The following ADAMTS20 variants were observed in gnomAD, a reference collection of about 807,000 sequenced individuals.
ADAMTS20 encodes the protein A disintegrin and metalloproteinase with thrombospondin motifs 20.
In ADAMTS20, 225 loss-of-function variants were observed where a neutral mutation model predicts 260.1. The ratio of observed to expected loss-of-function variants is 0.87; its 90% CI spans 0.78 to 0.97. The LOEUF is 0.97. Among genes scored for constraint, ADAMTS20 ranks in the 50% least tolerant of loss-of-function variants. ADAMTS20 has a pLI of 0.00. For missense variants in ADAMTS20, 2,400 were observed against 2,337.7 expected (o/e 1.03, Z -0.55); for synonymous variants, 802 against 769.5 (o/e 1.04, Z -0.70).
intron 2 of ADAMTS20, 22 bp downstream of exon 2, chr12:43,550,887 C>A: frequency 6.6e-7 from 1 of 1,507,510 alleles, no homozygotes; most frequent in South Asian, 1.3e-5. Context: ...AAGAAAATGC[C>A]AAGGGACCCG....
chr12:43,386,010 T>C (rs1940468100), intron 29 of ADAMTS20, among the ~76,000 whole-genome samples: 1 of 152,208 alleles, frequency 6.6e-6, no homozygotes, highest in African/African-American at 2.4e-5. Flanking sequence ...ATCTCCTTTA[T>C]CATTTTTATT....
intron 3 of ADAMTS20, among the ~76,000 whole-genome samples, chr12:43,522,538 A>C (rs1424646194): frequency 6.6e-6 from 1 of 152,202 alleles, no homozygotes; most frequent in East Asian, 1.9e-4. Context: ...GAGGAAGTGG[A>C]GCGAAACTAA....
chr12:43,459,381 T>A (rs1942021409), intron 11 of ADAMTS20, among the ~76,000 whole-genome samples: 1 of 152,204 alleles, frequency 6.6e-6, no homozygotes, highest in Admixed American at 6.5e-5. Context: ...TTCTCTTCCA[T>A]GACCCATGGC....
At chr12:43,493,460 T>C (rs1262132598) in intron 4 of ADAMTS20, among the ~76,000 whole-genome samples, 2 of 152,182 alleles carry the variant, frequency 1.3e-5, no homozygotes, top group African/African-American at 4.8e-5. Context: ...CTCAGGCATC[T>C]TAAAGATTCT....
chr12:43,471,011 G>A (rs1942245943), intron 7 of ADAMTS20, among the ~76,000 whole-genome samples: 1 of 152,192 alleles, frequency 6.6e-6, no homozygotes, highest in Non-Finnish European at 1.5e-5. Flanking sequence ...AACAGCTCCG[G>A]TCTACAGCTC....
At chr12:43,373,273 C>G (rs900693429) in intron 36 of ADAMTS20, among the ~76,000 whole-genome samples, 1 of 152,192 alleles carries the variant, frequency 6.6e-6, no homozygotes, top group African/African-American at 2.4e-5. Flanking sequence ...AAAATGGCAG[C>G]TTTGTTAAAA....
At chr12:43,387,694 G>C (rs1940510356) in intron 29 of ADAMTS20, among the ~76,000 whole-genome samples, 1 of 152,236 alleles carries the variant, frequency 6.6e-6, no homozygotes, top group African/African-American at 2.4e-5. Context: ...ACCCAGAGCA[G>C]AGGAATCTAG....
At chr12:43,388,223 C>T (rs1213027622) in intron 29 of ADAMTS20, among the ~76,000 whole-genome samples, 1 of 152,132 alleles carries the variant, frequency 6.6e-6, no homozygotes, top group Non-Finnish European at 1.5e-5. Context: ...AGTATCCGGG[C>T]CAGATAGGAC....
intron 28 of ADAMTS20, among the ~76,000 whole-genome samples, chr12:43,407,478 T>C (rs1308530947): frequency 1.3e-5 from 2 of 151,616 alleles, no homozygotes; most frequent in Non-Finnish European, 2.9e-5. Flanking sequence ...TTAAAGATAA[T>C]TTACTATAAT....
intron 7 of ADAMTS20, among the ~76,000 whole-genome samples, chr12:43,478,503 G>A (rs1942393458): frequency 6.6e-6 from 1 of 151,992 alleles, no homozygotes; most frequent in African/African-American, 2.4e-5. Flanking sequence ...AAAATTGCTG[G>A]AAGATAAACA....
chr12:43,501,631 G>A (rs1357453546), intron 4 of ADAMTS20, among the ~76,000 whole-genome samples: 3 of 152,098 alleles, frequency 2.0e-5, no homozygotes, highest in Non-Finnish European at 4.4e-5. Context: ...AGGACCCTTA[G>A]AGTTATCGTG....
intron 28 of ADAMTS20, among the ~76,000 whole-genome samples, chr12:43,406,858 A>G (rs892719209): frequency 8.5e-5 from 13 of 152,058 alleles, no homozygotes; most frequent in Non-Finnish European, 1.8e-4. Flanking sequence ...GTAGTAGGAT[A>G]TATTTCTGCT....
At chr12:43,493,942 C>T (rs76953662) in intron 4 of ADAMTS20, among the ~76,000 whole-genome samples, 4,937 of 152,254 alleles carry the variant, frequency 0.032, 136 homozygotes, top group African/African-American at 0.07. Flanking sequence ...ATGTTAGGCA[C>T]TCTGAATGGG....
At chr12:43,518,075 G>T (rs1510520) in intron 3 of ADAMTS20, among the ~76,000 whole-genome samples, 1 of 151,608 alleles carries the variant, frequency 6.6e-6, no homozygotes, top group African/African-American at 2.4e-5. Context: ...ATTTAATTTC[G>T]TTTTACTTAA....
chr12:43,496,410 C>A (rs1331957712), intron 4 of ADAMTS20, among the ~76,000 whole-genome samples: 1 of 152,168 alleles, frequency 6.6e-6, no homozygotes, highest in African/African-American at 2.4e-5. Flanking sequence ...TTTATCTGAT[C>A]TTTATTCAGC....
chr12:43,459,653 A>C (rs994867513), intron 11 of ADAMTS20, among the ~76,000 whole-genome samples: 1 of 152,238 alleles, frequency 6.6e-6, no homozygotes, highest in African/African-American at 2.4e-5. Context: ...TGCCTGACAT[A>C]ATAGGCCCTT....
chr12:43,506,548 C>T (rs1289130431), intron 3 of ADAMTS20, among the ~76,000 whole-genome samples: 3 of 151,434 alleles, frequency 2.0e-5, no homozygotes, highest in South Asian at 2.1e-4. Context: ...GGCGCGATCT[C>T]GGCTCACTGC....
intron 2 of ADAMTS20, among the ~76,000 whole-genome samples, chr12:43,533,210 G>A (rs1760790645): frequency 3.0e-5 from 3 of 98,366 alleles, no homozygotes; most frequent in Non-Finnish European, 6.6e-5. Context: ...ATCCTCTCCA[G>A]CACCTGTTGT....
intron 29 of ADAMTS20, among the ~76,000 whole-genome samples, chr12:43,385,285 C>A (rs1373512409): frequency 1.3e-5 from 2 of 152,158 alleles, no homozygotes; most frequent in Non-Finnish European, 2.9e-5. Flanking sequence ...ATATCCTTCA[C>A]CACTTTTTAA....
Sources: gnomAD v4.1 joint callset for allele counts (sites outside exome capture counted in the v4.1 genomes callset) on GRCh38, gnomAD v4.1.1 for gene constraint, MANE v1.5 for transcripts, NCBI Gene and HGNC (gene_info 2026-07-23, HGNC 2026-07-21) for gene names.